RMDN2: variants seen among roughly 807,000 people sequenced by gnomAD.
RMDN2 encodes regulator of microtubule dynamics protein 2.
RMDN2 carries 61 observed loss-of-function variants against 52.8 expected under a neutral mutation model. That is an observed-to-expected ratio of 1.16 (90% confidence interval 0.94 to 1.43). The LOEUF is 1.43. Among genes scored for constraint, RMDN2 ranks in the 40% most tolerant of loss-of-function variants. The pLI, the probability that RMDN2 is intolerant of heterozygous loss-of-function variation, is 0.00. For missense variants in RMDN2, 592 were observed against 475.3 expected (o/e 1.25, Z -2.28); for synonymous variants, 180 against 153.1 (o/e 1.18, Z -1.30).
At chr2:38,004,842 T>A (rs112573759) in intron 10 of RMDN2, among the ~76,000 whole-genome samples, 18,293 of 151,080 alleles carry the variant, frequency 0.12, 1,368 homozygotes, top group Non-Finnish European at 0.17. Flanking sequence ...ATGCTATCCC[T>A]CCCCACTCCC....
intron 5 of RMDN2, among the ~76,000 whole-genome samples, chr2:37,986,541 A>G (rs138937563): frequency 6.6e-5 from 10 of 152,266 alleles, no homozygotes; most frequent in African/African-American, 2.2e-4. Flanking sequence ...TCAATAAAAT[A>G]TTAGCAGATT....
intron 2 of RMDN2, among the ~76,000 whole-genome samples, chr2:37,965,019 C>T (rs765158292): frequency 1.3e-5 from 2 of 152,016 alleles, no homozygotes; most frequent in Non-Finnish European, 2.9e-5. Flanking sequence ...GACTTAAAGT[C>T]TATTTTGTCT....
intron 5 of RMDN2, among the ~76,000 whole-genome samples, chr2:37,985,021 A>C (rs1402291796): frequency 6.6e-6 from 1 of 152,180 alleles, no homozygotes; most frequent in African/African-American, 2.4e-5. Context: ...AACTTTAAAG[A>C]AGCAGATTCC....
In RMDN2 at chr2:37,951,993, C is replaced by T. The variant is rs144459746; in HGVS notation, c.453-22047C>T. 7 of 1,613,020 alleles carry T rather than the reference C, an allele frequency of 4.3e-6. No individual in the cohort carries two copies. The African/African-American group carries it at 9.3e-5, about 22-fold the overall frequency. On this transcript the variant is annotated intron_variant, in intron 2 of 10. Transcript: ENST00000354545. ...TCGTCCTGAAAGTTACAGCACAGAT[C>T]ATTCTCCAATCATGATTCCACAGCA...
At chr2:37,981,720 T>C (rs374909195) in intron 5 of RMDN2, among the ~76,000 whole-genome samples, 2 of 152,262 alleles carry the variant, frequency 1.3e-5, no homozygotes, top group Admixed American at 6.5e-5. Flanking sequence ...CATTGATGCA[T>C]CGTAATATAC....
In RMDN2 at chr2:38,032,708, G is replaced by A. The variant is rs570445800; in HGVS notation, c.1713+28492G>A. Among the ~76,000 whole-genome samples, 5 of 152,184 alleles carry A rather than the reference G, an allele frequency of 3.3e-5. No homozygotes were observed. In the South Asian group the frequency reaches 8.3e-4, roughly 25 times the overall value. On this transcript the variant is annotated intron_variant, in intron 10 of 10. Coordinates refer to the RMDN2 transcript ENST00000234195. ...ACAAAAATTAGCCAGGCATGATGGC[G>A]GGTTCCTGTAATCCCAGCTACTCAG...
At chr2:37,945,451 T>G (rs1668143901) in intron 2 of RMDN2, among the ~76,000 whole-genome samples, 1 of 152,168 alleles carries the variant, frequency 6.6e-6, no homozygotes, top group East Asian at 1.9e-4. Context: ...TCTTCAAAAC[T>G]TGAAGTGTCC....
intron 2 of RMDN2, among the ~76,000 whole-genome samples, chr2:37,957,801 C>A (rs191791965): frequency 2.0e-5 from 3 of 152,164 alleles, no homozygotes; most frequent in Admixed American, 6.5e-5. Context: ...AGTCTTTGAT[C>A]CTTCTTGAGT....
chr2:38,045,757 C>T (rs1378675459), intron 10 of RMDN2, among the ~76,000 whole-genome samples: 1 of 152,210 alleles, frequency 6.6e-6, no homozygotes, highest in African/African-American at 2.4e-5. Context: ...TCTCCCCCAG[C>T]TTAGTTGGTA....
chr2:38,019,848 C>A (rs984541745), downstream of RMDN2, among the ~76,000 whole-genome samples: 3 of 152,016 alleles, frequency 2.0e-5, no homozygotes, highest in Non-Finnish European at 4.4e-5. Context: ...TTACTTCAAC[C>A]CAGGAGGTCA....
chr2:37,992,392 A>G (rs1674927374), intron 7 of RMDN2, among the ~76,000 whole-genome samples: 1 of 152,234 alleles, frequency 6.6e-6, no homozygotes, highest in African/African-American at 2.4e-5. Flanking sequence ...GAATGATTAC[A>G]ACACTCAAAT....
At chr2:37,954,789 G>C (rs932601263) in intron 2 of RMDN2, among the ~76,000 whole-genome samples, 1 of 152,012 alleles carries the variant, frequency 6.6e-6, no homozygotes, top group Non-Finnish European at 1.5e-5. Context: ...AGATTATTTT[G>C]GGTAGGATTG....
chr2:37,964,121 GC>G (rs1366810630), intron 2 of RMDN2, among the ~76,000 whole-genome samples: 4 of 151,144 alleles, frequency 2.6e-5, no homozygotes, highest in Non-Finnish European at 5.9e-5. Context: ...AGATGGAGGG[GC>G]TCCTCACTTC....
At chr2:38,049,141 A>G (rs1267871249) in intron 10 of RMDN2, among the ~76,000 whole-genome samples, 1 of 152,206 alleles carries the variant, frequency 6.6e-6, no homozygotes, top group East Asian at 1.9e-4. Flanking sequence ...TAGTTCCCTC[A>G]TAGTTTGAGG....
downstream of RMDN2, chr2:38,017,837 C>T (rs556013410): frequency 1.4e-4 from 28 of 201,544 alleles, no homozygotes; most frequent in African/African-American, 3.6e-4. Context: ...AGACTGAGTC[C>T]GAAAAGAGAG....
chr2:38,001,557 T>C (rs771782522), intron 8 of RMDN2, among the ~76,000 whole-genome samples: 1 of 152,220 alleles, frequency 6.6e-6, no homozygotes, highest in Non-Finnish European at 1.5e-5. Context: ...TCACTTTAGT[T>C]AACTAAACAT....
intron 7 of RMDN2, among the ~76,000 whole-genome samples, chr2:37,992,354 G>A (rs1443448443): frequency 6.6e-6 from 1 of 152,046 alleles, no homozygotes; most frequent in Non-Finnish European, 1.5e-5. Flanking sequence ...TTTTTTTCCT[G>A]GTTGTAAGAT....
At chr2:38,012,762 A>G (rs1678189352) in intron 10 of RMDN2, 2 of 301,054 alleles carry the variant, frequency 6.6e-6, no homozygotes, top group South Asian at 6.4e-5. Context: ...ATACCCCATT[A>G]GTGATTTTGC....
intron 10 of RMDN2, among the ~76,000 whole-genome samples, chr2:38,026,803 C>T (rs1265450236): frequency 1.3e-5 from 2 of 152,142 alleles, no homozygotes; most frequent in African/African-American, 2.4e-5. Context: ...TTCTAAGTAC[C>T]ACTTTAGCAG....
Sources: allele counts gnomAD v4.1 joint callset (sites outside exome capture counted in the v4.1 genomes callset), GRCh38; gene constraint gnomAD v4.1.1; transcripts MANE v1.5; gene names NCBI Gene and HGNC (gene_info 2026-07-23, HGNC 2026-07-21).